MPRIP: variants seen among roughly 807,000 people sequenced by gnomAD.
The protein encoded by MPRIP is myosin phosphatase Rho-interacting protein.
In MPRIP, 59 loss-of-function variants were observed where a neutral mutation model predicts 234.9. The observed-to-expected ratio is 0.25, with a 90% CI of 0.20 to 0.31. The LOEUF (loss-of-function observed/expected upper bound fraction) is 0.31. Ranked by LOEUF, MPRIP falls within the 10% of genes least tolerant of loss-of-function variation. The pLI, the probability that MPRIP is intolerant of heterozygous loss-of-function variation, is 1.00. For synonymous variants in MPRIP, 1,144 were observed against 1,263.9 expected, an observed-to-expected ratio of 0.91 and a Z score of 2.01; for missense variants, 2,436 against 3,071.0, an observed-to-expected ratio of 0.79 and a Z score of 4.89.
Position 17,166,299 on chromosome 17 carries a change from G to A in MPRIP, c.4708G>A (p.Ala1570Thr). ...GGTGAGGCTTCTTTCTGACCAGATTGCTCTGGAGGCCTCGCTGATCAGCCA... is the reference window on the plus strand; with the variant it reads ...GGTGAGGCTTCTTTCTGACCAGATTACTCTGGAGGCCTCGCTGATCAGCCA... ...EQVRLLSDQI[A>T]LEASLISQIA... The change falls in exon 16 of 24, where the codon GCT (alanine) becomes ACT (threonine). Residue 1570 changes from alanine to threonine, a missense_variant. Coordinates refer to ENST00000651222, the MANE Select transcript of MPRIP (RefSeq NM_001364716.4). The surrounding 1 kb of genome is among the most constrained non-coding windows in gnomAD (Gnocchi z 4.4). 1 of 1,304,426 alleles carries A rather than the reference G, an allele frequency of 7.7e-7. No individual in the cohort carries two copies. The highest frequency in any genetic ancestry group is 1.0e-6 in the Non-Finnish European group (1 of 989,002). The allele number at this position is 1,304,426 out of a possible 1,614,324, so 80.8% of individuals were successfully genotyped here. A position where few individuals can be genotyped will look rare whatever the true frequency, so the allele number is the denominator to read the frequency against.
intron 3 of MPRIP, among the ~76,000 whole-genome samples, chr17:17,112,831 C>T (rs1281065944): frequency 1.3e-5 from 2 of 152,204 alleles, no homozygotes; most frequent in Non-Finnish European, 2.9e-5. Flanking sequence ...GCCTGTACTG[C>T]GTTCCATCCC....
chr17:17,123,047 G>A (rs1015874529), intron 3 of MPRIP, among the ~76,000 whole-genome samples: 2 of 152,206 alleles, frequency 1.3e-5, no homozygotes, highest in African/African-American at 4.8e-5. Flanking sequence ...AAAAAGTATT[G>A]AAAGACTGAC....
At chr17:17,155,432 C>T (rs1472832862) in intron 13 of MPRIP, among the ~76,000 whole-genome samples, 2 of 152,030 alleles carry the variant, frequency 1.3e-5, no homozygotes, top group Non-Finnish European at 2.9e-5. Flanking sequence ...TTAGTAGAGA[C>T]GGGATTTCAC....
chr17:17,137,011 G>A (rs2090714770), intron 6 of MPRIP, among the ~76,000 whole-genome samples: 2 of 152,168 alleles, frequency 1.3e-5, no homozygotes, highest in Non-Finnish European at 2.9e-5. Context: ...TAAGACACAG[G>A]CTGGGTTTTC....
chr17:17,156,726 A>G (rs539174752), intron 13 of MPRIP, among the ~76,000 whole-genome samples: 57 of 152,260 alleles, frequency 3.7e-4, no homozygotes, highest in African/African-American at 1.2e-3. Context: ...GCCCTGCCCT[A>G]TGTGTCATCC....
chr17:17,056,646 A>G (rs947684598), intron 1 of MPRIP, among the ~76,000 whole-genome samples: 1 of 151,994 alleles, frequency 6.6e-6, no homozygotes, highest in South Asian at 2.1e-4. Flanking sequence ...TTCACGCAAC[A>G]TAAAATTAAC....
chr17:17,054,619 C>T (rs1458798744), intron 1 of MPRIP, among the ~76,000 whole-genome samples: 1 of 151,902 alleles, frequency 6.6e-6, no homozygotes, highest in Non-Finnish European at 1.5e-5. Flanking sequence ...CCCACGGAGT[C>T]GTGAGAGCAC....
chr17:17,094,862 T>G (rs972286046), intron 3 of MPRIP, among the ~76,000 whole-genome samples: 38 of 152,274 alleles, frequency 2.5e-4, no homozygotes, highest in African/African-American at 8.7e-4. Context: ...TCTGCCCACC[T>G]TGGCCTCCCA....
intron 3 of MPRIP, among the ~76,000 whole-genome samples, chr17:17,090,939 T>C (rs540008501): frequency 6.6e-6 from 1 of 151,008 alleles, no homozygotes; most frequent in East Asian, 2.0e-4. Flanking sequence ...CAGGATAAAC[T>C]GGAGCAGGTA....
Position 17,131,717 on chromosome 17 carries a change from G to GGCATCCCCTGCCTAC in MPRIP, c.504+16_504+17insGCATCCCCTGCCTAC. 1 of 1,612,592 alleles carries GGCATCCCCTGCCTAC rather than the reference G, an allele frequency of 6.2e-7. No individual in the cohort carries two copies. Among genetic ancestry groups the GGCATCCCCTGCCTAC allele is most frequent in the Non-Finnish European group, 8.5e-7 (1 of 1,178,606 alleles). ...CACACCACAGGTAGGCAGTGGGTTT[G>GGCATCCCCTGCCTAC]CCAGATGGCATCCCCTCAGTGGAGC... is the stretch of plus-strand genomic sequence containing the variant. On this transcript the variant is annotated intron_variant, in intron 5 of 23. Transcript: ENST00000651222.
At chr17:17,065,533 A>G (rs563586705) in intron 1 of MPRIP, among the ~76,000 whole-genome samples, 1 of 152,084 alleles carries the variant, frequency 6.6e-6, no homozygotes, top group African/African-American at 2.4e-5. Flanking sequence ...CCATTGATCC[A>G]TGTGTCTGAC....
At chr17:17,163,658 A>G (rs568449709) in intron 15 of MPRIP, among the ~76,000 whole-genome samples, 4 of 152,158 alleles carry the variant, frequency 2.6e-5, no homozygotes, top group Admixed American at 1.3e-4. Context: ...AAGTGGCATC[A>G]TTTACCTACA....
chr17:17,067,790 C>CTTTTTT (rs35187618), intron 1 of MPRIP, among the ~76,000 whole-genome samples: 4 of 76,742 alleles, frequency 5.2e-5, no homozygotes, highest in Admixed American at 1.6e-4. Flanking sequence ...CTTCTTCTTC[C>CTTTTTT]TTTTTTTTTT....
intron 1 of MPRIP, among the ~76,000 whole-genome samples, chr17:17,060,413 A>G (rs766629847): frequency 2.0e-5 from 3 of 152,188 alleles, no homozygotes; most frequent in Non-Finnish European, 4.4e-5. Flanking sequence ...ATGGCCTGCT[A>G]AACTGGGGAG....
rs1379014049 is a variant in MPRIP, at chr17:17,185,831, G to GA, written c.*940dup. Reference sequence around the variant, plus strand: ...GAGGAGACCCCTGTTAAGTCAAGAAGAAAGTACAGAGGATGTCAGAATCTG... The same window carrying GA: ...GAGGAGACCCCTGTTAAGTCAAGAAGAAAAGTACAGAGGATGTCAGAATCTG... On this transcript the variant is annotated 3_prime_UTR_variant, in exon 24 of 24. Coordinates refer to ENST00000651222, the MANE Select transcript of MPRIP (RefSeq NM_001364716.4). 1 of 312,298 alleles carries GA rather than the reference G, an allele frequency of 3.2e-6. No homozygotes were observed. Among genetic ancestry groups the GA allele is most frequent in the African/African-American group, 2.2e-5 (1 of 45,170 alleles). 19.3% of individuals were successfully genotyped at this position (312,298 alleles called of 1,614,324 possible). A position where few individuals can be genotyped will look rare whatever the true frequency, so the allele number is the denominator to read the frequency against.
At chr17:17,094,587 C>T (rs2089797008) in intron 3 of MPRIP, among the ~76,000 whole-genome samples, 1 of 144,934 alleles carries the variant, frequency 6.9e-6, no homozygotes, top group South Asian at 2.2e-4. Flanking sequence ...TAATTTCTTT[C>T]TTTTTTAACT....
intron 2 of MPRIP, chr17:17,076,539 C>T (rs1242536120): frequency 6.6e-6 from 1 of 152,336 alleles, no homozygotes; most frequent in South Asian, 2.1e-4. Context: ...TGCATTGTGT[C>T]TCTGTTCTTT....
chr17:17,090,780 T>G (rs1007119911), intron 3 of MPRIP, among the ~76,000 whole-genome samples: 1 of 152,168 alleles, frequency 6.6e-6, no homozygotes, highest in Non-Finnish European at 1.5e-5. Context: ...CTGGGCGATC[T>G]GGGGGTTTTG....
chr17:17,152,172 C>G (rs1283384935), intron 12 of MPRIP, among the ~76,000 whole-genome samples: 1 of 152,280 alleles, frequency 6.6e-6, no homozygotes, highest in Non-Finnish European at 1.5e-5. Context: ...ACACTGACAG[C>G]CTGGCACCAG....
Sources: allele counts gnomAD v4.1 joint callset (sites outside exome capture counted in the v4.1 genomes callset), GRCh38; gene constraint gnomAD v4.1.1; non-coding constraint Gnocchi (gnomAD v3.1); transcripts MANE v1.5; gene names NCBI Gene and HGNC (gene_info 2026-07-23, HGNC 2026-07-21).